The following CENPW variants were observed in gnomAD, a reference collection of about 807,000 sequenced individuals.
CENPW encodes the protein cancer-up-regulated gene 2 protein.
In CENPW, 3 loss-of-function variants were observed where a neutral mutation model predicts 11.1. The observed-to-expected ratio is 0.27, with a 90% CI of 0.12 to 0.70. CENPW has a LOEUF of 0.70. CENPW is among the 30% of genes least tolerant of loss of function. The probability of loss-of-function intolerance (pLI) is 0.77; values close to 1 mark genes in which losing one functional copy is unlikely to be tolerated. For synonymous variants in CENPW, 38 were observed against 42.0 expected, an observed-to-expected ratio of 0.91 and a Z score of 0.37; for missense variants, 100 against 105.6, an observed-to-expected ratio of 0.95 and a Z score of 0.23.
At chr6:126,468,580 TATATA>T in the CENPW span, among the ~76,000 whole-genome samples, 850 of 152,048 alleles carry the variant, frequency 5.6e-3, 3 homozygotes, top group Non-Finnish European at 9.7e-3. Context: ...ATTGTTAGTT[TATATA>T]ATATAATAAA....
chr6:126,472,880 T>C, the CENPW span, among the ~76,000 whole-genome samples: 1 of 152,190 alleles, frequency 6.6e-6, no homozygotes, highest in Non-Finnish European at 1.5e-5. Flanking sequence ...TTAATTTCTA[T>C]ATCCTTAACT....
At chr6:126,429,022 G>T in the CENPW span, among the ~76,000 whole-genome samples, 425 of 152,120 alleles carry the variant, frequency 2.8e-3, no homozygotes, top group Non-Finnish European at 5.3e-3. Context: ...TATTTAATAT[G>T]TTGAATACAT....
At chr6:126,433,655 A>T in the CENPW span, among the ~76,000 whole-genome samples, 6 of 152,154 alleles carry the variant, frequency 3.9e-5, no homozygotes, top group Admixed American at 3.9e-4. Flanking sequence ...AGTTGAAAGA[A>T]ATTTAAATAT....
downstream of CENPW, among the ~76,000 whole-genome samples, chr6:126,351,478 G>A (rs562657405): frequency 3.9e-5 from 6 of 152,140 alleles, no homozygotes; most frequent in African/African-American, 1.4e-4. Context: ...GTGTTTATAT[G>A]CCACATACTT....
chr6:126,432,372 C>G, the CENPW span, among the ~76,000 whole-genome samples: 6 of 152,192 alleles, frequency 3.9e-5, no homozygotes, highest in Non-Finnish European at 8.8e-5. Flanking sequence ...CCCTACAATG[C>G]TGCAAGGCCA....
the CENPW span, among the ~76,000 whole-genome samples, chr6:126,414,656 G>A: frequency 6.6e-6 from 1 of 151,920 alleles, no homozygotes; most frequent in Non-Finnish European, 1.5e-5. Context: ...ATAGCAATAA[G>A]TACCTACACC....
At chr6:126,458,922 C>T in the CENPW span, among the ~76,000 whole-genome samples, 1 of 151,310 alleles carries the variant, frequency 6.6e-6, no homozygotes, top group East Asian at 1.9e-4. Context: ...GATGTATTTT[C>T]CTTACCTGTG....
At chr6:126,440,639 C>A in the CENPW span, among the ~76,000 whole-genome samples, 1 of 151,410 alleles carries the variant, frequency 6.6e-6, no homozygotes, top group Non-Finnish European at 1.5e-5. Flanking sequence ...ACAAACTGAA[C>A]ATGTATCTGC....
chr6:126,354,536 C>T, the CENPW span, among the ~76,000 whole-genome samples: 1 of 152,082 alleles, frequency 6.6e-6, no homozygotes, highest in South Asian at 2.1e-4. Context: ...TTTGCACCCA[C>T]CTAATACAAA....
the CENPW span, among the ~76,000 whole-genome samples, chr6:126,482,142 T>G: frequency 2.0e-5 from 3 of 152,090 alleles, no homozygotes; most frequent in African/African-American, 7.2e-5. Flanking sequence ...AGACACTGTT[T>G]GTGCTGGGTT....
At chr6:126,369,213 A>G in the CENPW span, among the ~76,000 whole-genome samples, 1 of 152,056 alleles carries the variant, frequency 6.6e-6, no homozygotes, top group East Asian at 1.9e-4. Context: ...GGCTGGTTCC[A>G]TATTTTTCCA....
At chr6:126,472,635 T>A in the CENPW span, among the ~76,000 whole-genome samples, 5 of 152,208 alleles carry the variant, frequency 3.3e-5, no homozygotes, top group Admixed American at 3.3e-4. Context: ...TGTATAGACA[T>A]AGATTTCCTT....
chr6:126,446,335 A>G, the CENPW span, among the ~76,000 whole-genome samples: 1 of 150,446 alleles, frequency 6.6e-6, no homozygotes. Context: ...CCCACAGCCA[A>G]CTTCAAATGA....
chr6:126,435,676 T>G, the CENPW span, among the ~76,000 whole-genome samples: 2 of 151,928 alleles, frequency 1.3e-5, no homozygotes, highest in East Asian at 3.9e-4. Context: ...ATAACCATTA[T>G]TATTCCAATT....
the CENPW span, among the ~76,000 whole-genome samples, chr6:126,374,294 A>G: frequency 2.0e-5 from 3 of 152,336 alleles, no homozygotes; most frequent in East Asian, 5.8e-4. Flanking sequence ...AGGCCGATGC[A>G]ATTCTAAGTA....
chr6:126,356,722 A>G, the CENPW span, among the ~76,000 whole-genome samples: 1 of 152,090 alleles, frequency 6.6e-6, no homozygotes, highest in African/African-American at 2.4e-5. Context: ...TTCATTGGCC[A>G]CTTGTATTTC....
chr6:126,363,943 G>T, the CENPW span, among the ~76,000 whole-genome samples: 1 of 152,124 alleles, frequency 6.6e-6, no homozygotes, highest in African/African-American at 2.4e-5. Flanking sequence ...AGCACCAAAG[G>T]GGACCTTCTC....
the CENPW span, among the ~76,000 whole-genome samples, chr6:126,399,250 G>A: frequency 1.3e-5 from 2 of 152,046 alleles, no homozygotes; most frequent in Admixed American, 1.3e-4. Flanking sequence ...TAGTGGCTGA[G>A]CTAATTTACA....
At chr6:126,442,738 AAG>A in the CENPW span, among the ~76,000 whole-genome samples, 1 of 151,260 alleles carries the variant, frequency 6.6e-6, no homozygotes, top group African/African-American at 2.4e-5. Context: ...GTAAGTCAAA[AAG>A]AGATCATTTT....
Sources: gnomAD v4.1 joint callset for allele counts (sites outside exome capture counted in the v4.1 genomes callset) on GRCh38, gnomAD v4.1.1 for gene constraint, MANE v1.5 for transcripts, NCBI Gene and HGNC (gene_info 2026-07-23, HGNC 2026-07-21) for gene names.